Variants in SLC67A2 observed in about 807,000 individuals in gnomAD.
SLC67A2 encodes solute carrier family 67 member A2.
the SLC67A2 span, among the ~76,000 whole-genome samples, chr2:102,733,975 AG>A: frequency 6.6e-6 from 1 of 152,302 alleles, no homozygotes; most frequent in Non-Finnish European, 1.5e-5. Flanking sequence ...CTTTCCTCTC[AG>A]GAAGTTCTGT....
At chr2:102,732,360 T>G in the SLC67A2 span, 1 of 1,613,816 alleles carries the variant, frequency 6.2e-7, no homozygotes. Flanking sequence ...TCCAAGGGAC[T>G]TGACATGAAG....
the SLC67A2 span, chr2:102,718,650 G>A: frequency 6.2e-7 from 1 of 1,613,892 alleles, no homozygotes; most frequent in Non-Finnish European, 8.5e-7. Context: ...ACAGTCAGCT[G>A]GAGGTCCGTG....
At chr2:102,715,047 T>C in the SLC67A2 span, among the ~76,000 whole-genome samples, 1 of 152,140 alleles carries the variant, frequency 6.6e-6, no homozygotes. Context: ...CAACCTCTCC[T>C]GCGATTGCCC....
the SLC67A2 span, among the ~76,000 whole-genome samples, chr2:102,730,545 A>T: frequency 3.4e-5 from 5 of 145,006 alleles, no homozygotes; most frequent in East Asian, 4.0e-4. Context: ...TGGTAATAAC[A>T]TTTTTTTTTT....
the SLC67A2 span, among the ~76,000 whole-genome samples, chr2:102,731,530 A>AT: frequency 3.3e-5 from 5 of 151,960 alleles, no homozygotes; most frequent in South Asian, 2.1e-4. Flanking sequence ...AAGAATTTAT[A>AT]TTTTTTTTAC....
chr2:102,723,631 A>G, the SLC67A2 span: 7 of 1,459,774 alleles, frequency 4.8e-6, no homozygotes, highest in Non-Finnish European at 6.7e-6. Flanking sequence ...TTGCAAAGAA[A>G]TAAGAGAAAA....
chr2:102,722,587 C>T, the SLC67A2 span, among the ~76,000 whole-genome samples: 1 of 152,092 alleles, frequency 6.6e-6, no homozygotes, highest in East Asian at 1.9e-4. Context: ...AAATTAATCC[C>T]TTCCTCACAT....
the SLC67A2 span, chr2:102,731,157 A>G: frequency 1.8e-6 from 2 of 1,112,818 alleles, no homozygotes; most frequent in Admixed American, 2.0e-5. Context: ...AAACCAACAG[A>G]AAAACATTAG....
the SLC67A2 span, among the ~76,000 whole-genome samples, chr2:102,735,184 CAGA>C: frequency 5.8e-4 from 88 of 152,306 alleles, no homozygotes; most frequent in Non-Finnish European, 9.0e-4. Flanking sequence ...GAATAGTGGT[CAGA>C]AGGAGTGCCA....
chr2:102,726,460 T>A, the SLC67A2 span, among the ~76,000 whole-genome samples: 1 of 152,112 alleles, frequency 6.6e-6, no homozygotes, highest in Non-Finnish European at 1.5e-5. Flanking sequence ...GATAGCAGAG[T>A]GCCTGGCCCA....
At chr2:102,730,536 G>A in the SLC67A2 span, among the ~76,000 whole-genome samples, 1 of 152,060 alleles carries the variant, frequency 6.6e-6, no homozygotes, top group East Asian at 1.9e-4. Context: ...TAATAAAATT[G>A]GTAATAACAT....
the SLC67A2 span, chr2:102,718,839 C>G: frequency 6.2e-7 from 1 of 1,613,940 alleles, no homozygotes; most frequent in Non-Finnish European, 8.5e-7. Context: ...AGGGCAAGGC[C>G]GGCCACGGCC....
At chr2:102,723,829 C>T in the SLC67A2 span, 138 of 1,614,126 alleles carry the variant, frequency 8.5e-5, no homozygotes, top group African/African-American at 5.9e-4. Context: ...TTGAAGTGTC[C>T]GATTACAAGC....
chr2:102,724,175 C>T, the SLC67A2 span, among the ~76,000 whole-genome samples: 1 of 152,150 alleles, frequency 6.6e-6, no homozygotes, highest in Non-Finnish European at 1.5e-5. Flanking sequence ...AATCAAGTCC[C>T]TTAACCCTCA....
chr2:102,732,454 A>G, the SLC67A2 span: 1 of 1,450,766 alleles, frequency 6.9e-7, no homozygotes, highest in Non-Finnish European at 9.5e-7. Context: ...GTATTTTTCA[A>G]ACTAGTAAAC....
At chr2:102,735,542 C>T in the SLC67A2 span, among the ~76,000 whole-genome samples, 10 of 152,128 alleles carry the variant, frequency 6.6e-5, no homozygotes, top group African/African-American at 1.2e-4. Flanking sequence ...TGACACTTAT[C>T]GCAGCTTCCT....
At chr2:102,726,897 A>C in the SLC67A2 span, 1,248 of 1,613,328 alleles carry the variant, frequency 7.7e-4, 2 homozygotes, top group Non-Finnish European at 1.0e-3. Context: ...CTGCTCCGAG[A>C]AGGAGATAGC....
chr2:102,733,739 T>C, the SLC67A2 span, among the ~76,000 whole-genome samples: 1 of 149,168 alleles, frequency 6.7e-6, no homozygotes, highest in Non-Finnish European at 1.5e-5. Flanking sequence ...AATTGTCCAA[T>C]AACCATTTTT....
the SLC67A2 span, among the ~76,000 whole-genome samples, chr2:102,727,186 G>A: frequency 6.9e-6 from 1 of 143,930 alleles, no homozygotes; most frequent in African/African-American, 2.6e-5. Context: ...TTTTTTTTTT[G>A]TCCAAAAACA....
Sources: gnomAD v4.1 joint callset for allele counts (sites outside exome capture counted in the v4.1 genomes callset) on GRCh38, gnomAD v4.1.1 for gene constraint, MANE v1.5 for transcripts, NCBI Gene and HGNC (gene_info 2026-07-23, HGNC 2026-07-21) for gene names.